The following ORC3 variants were observed in gnomAD, a reference collection of about 807,000 sequenced individuals.
The protein encoded by ORC3 is origin recognition complex subunit 3.
Under a neutral mutation model 100.7 loss-of-function variants are expected in ORC3, and 78 were observed. The observed-to-expected ratio is 0.77, with a 90% CI of 0.65 to 0.94. The LOEUF is 0.94. Among genes scored for constraint, ORC3 ranks in the 40% least tolerant of loss-of-function variants. ORC3 has a pLI of 0.00. For synonymous variants in ORC3, 295 were observed against 289.3 expected (o/e 1.02, Z -0.20); for missense variants, 789 against 823.9 (o/e 0.96, Z 0.52).
Position 87,653,132 on chromosome 6 carries a change from G to T in ORC3, c.1399G>T (p.Glu467Ter), listed in dbSNP as rs148245971. The T allele has an allele frequency of 2.6e-4, 412 of 1,612,956 alleles. No individual in the cohort carries two copies. Among genetic ancestry groups the T allele is most frequent in the Non-Finnish European group, 3.4e-4 (398 of 1,179,244 alleles). ...CTGTTCTAGGATGTTGGCAAAGGAT[G>T]AACTGATGACCATACTTGAGAAATG... ...LQLLRMLAKD[E>*]LMTILEKCFK... The change falls in exon 14 of 20, where the codon GAA (glutamate) becomes TAA (stop). Residue 467 changes from glutamate (E) to a stop codon, truncating the protein, a stop_gained. Transcript: ENST00000392844. LOFTEE classifies it high-confidence loss of function.
chr6:87,607,857 A>G (rs1778461595), intron 6 of ORC3, 33 bp downstream of exon 6: 2 of 1,524,732 alleles, frequency 1.3e-6, no homozygotes, highest in East Asian at 2.3e-5. Flanking sequence ...CTCCCAGGAA[A>G]TTGACGTATG....
chr6:87,674,449 A>G, the ORC3 span, among the ~76,000 whole-genome samples: 2 of 151,762 alleles, frequency 1.3e-5, no homozygotes, highest in African/African-American at 4.8e-5. Context: ...ACTTCATTAT[A>G]AGAAAGCTAT....
chr6:87,612,306 A>G, intron 8 of ORC3, 58 bp downstream of exon 8: 10 of 1,203,646 alleles, frequency 8.3e-6, no homozygotes, highest in Non-Finnish European at 1.1e-5. Flanking sequence ...CCAATAATAG[A>G]TTGTTAAGAT....
chr6:87,599,433 T>C (rs1462108497), intron 2 of ORC3, among the ~76,000 whole-genome samples: 1 of 151,886 alleles, frequency 6.6e-6, no homozygotes, highest in East Asian at 1.9e-4. Flanking sequence ...AGTGGCACAA[T>C]TTCAGCTCAC....
At position 87,619,457 on chromosome 6, in the gene ORC3, A is replaced by G. The variant is rs559568437; in HGVS notation, c.988-1897A>G. Among the ~76,000 whole-genome samples, 6 of 152,052 alleles carry G rather than the reference A, an allele frequency of 3.9e-5. No individual in the cohort carries two copies. In the South Asian group the frequency reaches 1.2e-3, roughly 32 times the overall value. ...GGTTTCGCTCTGTCGCCCAGGCTGGAGTGCAGTGGCATAATCTGAGCTCAC... is the reference window on the plus strand; with the variant it reads ...GGTTTCGCTCTGTCGCCCAGGCTGGGGTGCAGTGGCATAATCTGAGCTCAC... On this transcript the variant is annotated intron_variant, in intron 9 of 19. Coordinates refer to ENST00000392844, the MANE Select transcript of ORC3 (RefSeq NM_012381.4).
In ORC3 at chr6:87,601,859, A is replaced by G. The variant is rs1002562002; in HGVS notation, c.155A>G (p.Gln52Arg). ...LRFETYQLIW[Q>R]QMKSENERLQ... ...TTCGAAACTTATCAGTTGATATGGC[A>G]GCAGATGAAATCTGAAAATGAGGTG... is the stretch of plus-strand genomic sequence containing the variant. Residue 52 changes from glutamine to arginine, a missense_variant, in exon 3 of 20, where the codon CAG (glutamine) becomes CGG (arginine). This residue lies in a region of ORC3 where 399 missense variants were observed against 382.0 expected (regional missense o/e 1.04). Coordinates refer to ENST00000392844, the MANE Select transcript of ORC3 (RefSeq NM_012381.4). 6.2e-6 allele frequency: 10 copies of G among 1,604,898 alleles called. No individual in the cohort carries two copies. The highest frequency in any genetic ancestry group is 8.5e-6 in the Non-Finnish European group (10 of 1,171,560).
intron 5 of ORC3, 59 bp from the exon 6 acceptor site, chr6:87,607,614 C>A: frequency 4.3e-6 from 6 of 1,396,060 alleles, no homozygotes; most frequent in East Asian, 2.4e-5. Flanking sequence ...GTTTCAAGAG[C>A]TTTGGTTTTA....
rs535410619 is a variant in ORC3, at chr6:87,608,659, A to T, written c.580-437A>T. Among the ~76,000 whole-genome samples, 99 of 152,330 alleles carry T rather than the reference A, an allele frequency of 6.5e-4. 1 individual carries two copies. Among genetic ancestry groups the T allele is most frequent in the African/African-American group, 2.4e-3 (98 of 41,578 alleles). ...TTTTTAAAAATTGAGATTGGACCAG[A>T]TGATACCTAGTATCCATTTCAGGCT... On this transcript the variant is annotated intron_variant, in intron 6 of 19. Coordinates refer to ENST00000392844, the MANE Select transcript of ORC3 (RefSeq NM_012381.4).
intron 9 of ORC3, among the ~76,000 whole-genome samples, chr6:87,619,663 C>T (rs552155093): frequency 6.6e-6 from 1 of 152,304 alleles, no homozygotes; most frequent in East Asian, 1.9e-4. Context: ...ACCTTGGCCT[C>T]CCAAAGTACT....
intron 13 of ORC3, among the ~76,000 whole-genome samples, chr6:87,650,240 G>A (rs1366101330): frequency 6.6e-6 from 1 of 151,804 alleles, no homozygotes; most frequent in African/African-American, 2.4e-5. Flanking sequence ...TTTTTTGTAG[G>A]AATGAGGGTC....
the ORC3 span, among the ~76,000 whole-genome samples, chr6:87,676,605 A>ACGCGCG: frequency 2.7e-5 from 2 of 73,876 alleles, no homozygotes; most frequent in African/African-American, 8.2e-5. Context: ...AAACACACAC[A>ACGCGCG]CACACACACA....
At chr6:87,646,141 C>A (rs1056954184) in intron 13 of ORC3, among the ~76,000 whole-genome samples, 1 of 151,876 alleles carries the variant, frequency 6.6e-6, no homozygotes, top group Non-Finnish European at 1.5e-5. Context: ...CGCCTGCCAC[C>A]AAGCCCGGCT....
intron 11 of ORC3, among the ~76,000 whole-genome samples, chr6:87,632,371 A>G (rs1291317335): frequency 1.3e-5 from 2 of 150,320 alleles, no homozygotes; most frequent in Non-Finnish European, 3.0e-5. Flanking sequence ...AAGTCAGCAC[A>G]TAAGGTGAAG....
At chr6:87,593,342 A>T (rs1483039763) in intron 1 of ORC3, among the ~76,000 whole-genome samples, 1 of 152,250 alleles carries the variant, frequency 6.6e-6, no homozygotes, top group African/African-American at 2.4e-5. Flanking sequence ...TATAAATAAA[A>T]TACAGTTTGT....
chr6:87,631,011 C>T (rs954569492), intron 11 of ORC3, among the ~76,000 whole-genome samples: 4 of 151,816 alleles, frequency 2.6e-5, no homozygotes, highest in African/African-American at 7.3e-5. Flanking sequence ...TCTGGGACTA[C>T]AGGCACATGC....
intron 13 of ORC3, among the ~76,000 whole-genome samples, chr6:87,639,361 C>T (rs1768050522): frequency 6.6e-6 from 1 of 152,200 alleles, no homozygotes; most frequent in Non-Finnish European, 1.5e-5. Context: ...ACTTCTGCCT[C>T]CGCTGCTCTT....
At chr6:87,612,409 G>T (rs1463866941) in intron 8 of ORC3, among the ~76,000 whole-genome samples, 161 bp downstream of exon 8, 2 of 152,064 alleles carry the variant, frequency 1.3e-5, no homozygotes, top group African/African-American at 4.8e-5. Flanking sequence ...AATTTTTGTA[G>T]TGTTTTATAG....
the ORC3 span, chr6:87,675,883 C>T: frequency 3.1e-6 from 5 of 1,613,746 alleles, no homozygotes; most frequent in Non-Finnish European, 3.4e-6. Context: ...TTCTCCATAT[C>T]GTCGCATTAT....
chr6:87,622,196 A>G lies in ORC3; in HGVS notation c.1185+183A>G, dbSNP rs1344533080. On this transcript the variant is annotated intron_variant, in intron 11 of 19. Coordinates refer to ENST00000392844, the MANE Select transcript of ORC3 (RefSeq NM_012381.4). ...AAAGATGACATAAAACCTTAGCTCT[A>G]AAAGTTGAGGCTTTTTTTAATCAAG... is the stretch of plus-strand genomic sequence containing the variant. Among the ~76,000 whole-genome samples the G allele has an allele frequency of 2.0e-5, 3 of 152,148 alleles. No homozygotes were observed. The South Asian group carries it at 6.2e-4, about 32-fold the overall frequency.
Sources: gnomAD v4.1 joint callset for allele counts (sites outside exome capture counted in the v4.1 genomes callset) on GRCh38, gnomAD v4.1.1 for gene constraint, gnomAD v4.1.1 regional missense constraint, MANE v1.5 for transcripts, NCBI Gene and HGNC (gene_info 2026-07-23, HGNC 2026-07-21) for gene names.